F10: variants seen among roughly 807,000 people sequenced by gnomAD.
The protein encoded by F10 is Stuart-Prower factor.
A neutral mutation model predicts 37.1 loss-of-function variants in F10; 29 were observed. The ratio of observed to expected loss-of-function variants is 0.78; its 90% confidence interval spans 0.58 to 1.07. The LOEUF is 1.07. Among genes scored for constraint, F10 ranks in the 50% least tolerant of loss-of-function variants. F10 has a pLI of 0.00. For missense variants in F10, 539 were observed against 667.9 expected, an observed-to-expected ratio of 0.81 and a Z score of 2.13; for synonymous variants, 262 against 268.6, an observed-to-expected ratio of 0.98 and a Z score of 0.24.
intron 1 of F10, among the ~76,000 whole-genome samples, 177 bp downstream of exon 1, chr13:113,123,102 T>A (rs2036335407): frequency 6.6e-6 from 1 of 152,118 alleles, no homozygotes; most frequent in African/African-American, 2.4e-5. Context: ...CAAGGCCAGC[T>A]GTGGCTCCCT....
rs1378757283 is a variant in F10, at chr13:113,129,569, C to G, written c.188C>G (p.Ser63Ter). ...AGAGAGTGCATGGAAGAGACCTGCT[C>G]ATACGAAGAGGCCCGCGAGGTCTTT... ...LERECMEETCSYEEAREVFED... is the reference protein window; with the variant it reads ...LERECMEETC Residue 63 changes from serine to a stop codon, truncating the protein, a stop_gained, in exon 2 of 8, where the codon TCA (serine) becomes TGA (stop). Transcript: ENST00000375559. LOFTEE classifies it high-confidence loss of function. 6.2e-7 allele frequency: 1 copy of G among 1,614,116 alleles called. No homozygotes were observed. The highest frequency in any genetic ancestry group is 8.5e-7 in the Non-Finnish European group (1 of 1,180,048).
chr13:113,147,334 C>A, intron 6 of F10, 45 bp from the exon 7 acceptor site: 1 of 1,356,860 alleles, frequency 7.4e-7, no homozygotes, highest in Non-Finnish European at 1.1e-6. Flanking sequence ...CAGGCAACAC[C>A]TGTCCACCTG....
In F10 at chr13:113,143,710, C is replaced by CT; in HGVS notation, c.503-141_503-140insT. ...GACCCCTGCCGACGACGTGGGGCCTCGCCCTGCAAGCCCGCTGCCCCTCCG... is the reference window on the plus strand; with the variant it reads ...GACCCCTGCCGACGACGTGGGGCCTCTGCCCTGCAAGCCCGCTGCCCCTCCG... On this transcript the variant is annotated intron_variant, in intron 5 of 7. Transcript: ENST00000375559. This position sits in a 1 kb window ranked among gnomAD's most constrained non-coding sequence, Gnocchi z 6.8. The CT allele has an allele frequency of 2.5e-6, 3 of 1,220,202 alleles. No homozygotes were observed. The highest frequency in any genetic ancestry group is 2.4e-5 in the Admixed American group (1 of 41,324). 75.6% of individuals were successfully genotyped at this position (1,220,202 alleles called of 1,614,324 possible). A position where few individuals can be genotyped will look rare whatever the true frequency, so the allele number is the denominator to read the frequency against.
intron 5 of F10, among the ~76,000 whole-genome samples, chr13:113,142,710 G>A (rs2036543435): frequency 6.8e-6 from 1 of 147,536 alleles, no homozygotes. Context: ...TGGATCACCT[G>A]AGGTCAGGAG....
chr13:113,123,095 G>A (rs1481534021), intron 1 of F10, among the ~76,000 whole-genome samples, 170 bp downstream of exon 1: 1 of 152,214 alleles, frequency 6.6e-6, no homozygotes, highest in Non-Finnish European at 1.5e-5. Flanking sequence ...GCATCCTCAA[G>A]GCCAGCTGTG....
At chr13:113,125,732 C>T (rs575768373) in intron 1 of F10, among the ~76,000 whole-genome samples, 5 of 152,372 alleles carry the variant, frequency 3.3e-5, no homozygotes, top group East Asian at 1.9e-4. Flanking sequence ...AGGGCTGAGC[C>T]AGGCACGCCA....
At position 113,144,286 on chromosome 13, in the gene F10, C is replaced by A; in HGVS notation, c.747+191C>A. On this transcript the variant is annotated intron_variant, in intron 6 of 7. Coordinates refer to ENST00000375559, the MANE Select transcript of F10 (RefSeq NM_000504.4). The surrounding 1 kb of genome is among the most constrained non-coding windows in gnomAD (Gnocchi z 6.4). ...GGGCAGCCAAGGAGGCTGTGAGCTC[C>A]ACAGGGAAGTGGCCGGGGCTGAGGG... 1.2e-6 allele frequency: 1 copy of A among 828,098 alleles called. No individual in the cohort carries two copies. Among genetic ancestry groups the A allele is most frequent in the Non-Finnish European group, 1.9e-6 (1 of 527,568 alleles). 51.3% of individuals were successfully genotyped at this position (828,098 alleles called of 1,614,324 possible).
In F10 at chr13:113,122,840, A is replaced by G. The variant is rs1440275084; in HGVS notation, c.-16A>G. 1.2e-6 allele frequency: 2 copies of G among 1,608,996 alleles called. No homozygotes were observed. The highest frequency in any genetic ancestry group is 1.7e-6 in the Non-Finnish European group (2 of 1,179,990). ...CCTGTCCCAGTGAGGACAGGGACAC[A>G]GTACTCGGCCACACCATGGGGCGCC... On this transcript the variant is annotated 5_prime_UTR_variant, in exon 1 of 8. Transcript: ENST00000375559.
chr13:113,140,389 A>G, intron 4 of F10: 2 of 392,166 alleles, frequency 5.1e-6, no homozygotes, highest in Non-Finnish European at 1.0e-5. Flanking sequence ...CTAATTGATC[A>G]TCTTTAGACT....
At chr13:113,134,872 T>C (rs2036464367) in intron 2 of F10, among the ~76,000 whole-genome samples, 1 of 152,146 alleles carries the variant, frequency 6.6e-6, no homozygotes, top group Non-Finnish European at 1.5e-5. Context: ...AAAATTCCAA[T>C]GAAAGTATTT....
chr13:113,127,169 C>G (rs1265220586), intron 1 of F10, among the ~76,000 whole-genome samples: 3 of 152,174 alleles, frequency 2.0e-5, no homozygotes, highest in Non-Finnish European at 4.4e-5. Flanking sequence ...TAAAACAGCT[C>G]TAAGAGTAGA....
rs536046100 is a variant in F10, at chr13:113,141,201, C to G, written c.502+151C>G. The stretch of plus-strand genomic sequence containing the variant: ...GAGGACAGGACTGAGCCCTGGGCTC[C>G]GGGCCCAGGTGGTTCAAACATGAAG... On this transcript the variant is annotated intron_variant, in intron 5 of 7. Transcript: ENST00000375559. The surrounding 1 kb of genome is among the most constrained non-coding windows in gnomAD (Gnocchi z 5.4). 1 of 1,121,980 alleles carries G rather than the reference C, an allele frequency of 8.9e-7. No individual in the cohort carries two copies. The highest frequency in any genetic ancestry group is 1.5e-5 in the African/African-American group (1 of 64,708). 69.5% of individuals were successfully genotyped at this position (1,121,980 alleles called of 1,614,324 possible).
chr13:113,146,021 A>C lies in F10; in HGVS notation c.748-1358A>C, dbSNP rs2036579613. On this transcript the variant is annotated intron_variant, in intron 6 of 7. Transcript: ENST00000375559. This position sits in a 1 kb window ranked among gnomAD's most constrained non-coding sequence, Gnocchi z 4.5. ...AGAATGTCCTCTCCTACAAGCAAGA[A>C]TCTCAGAGCTGCCAGCGCCCCCATG... 6.6e-6 allele frequency among the ~76,000 whole-genome samples: 1 copy of C among 152,172 alleles called. No homozygotes were observed. Among genetic ancestry groups the C allele is most frequent in the Admixed American group, 6.5e-5 (1 of 15,274 alleles).
chr13:113,137,623 G>T (rs188909638), intron 2 of F10, among the ~76,000 whole-genome samples: 1 of 152,322 alleles, frequency 6.6e-6, no homozygotes, highest in East Asian at 1.9e-4. Flanking sequence ...AAATTAGGGT[G>T]TCAGCAGTGT....
rs1231173240 is a variant in F10 at position 113,146,053 on chromosome 13, C to G, written c.748-1326C>G. On this transcript the variant is annotated intron_variant, in intron 6 of 7. Coordinates refer to ENST00000375559, the MANE Select transcript of F10 (RefSeq NM_000504.4). The surrounding 1 kb of genome is among the most constrained non-coding windows in gnomAD (Gnocchi z 4.5). ...AGCTGCCAGCGCCCCCATGAATTCC[C>G]CCAGGTCTTCCCCCACCCCAGACCG... is the stretch of plus-strand genomic sequence containing the variant. Among the ~76,000 whole-genome samples, 1 of 152,166 alleles carries G rather than the reference C, an allele frequency of 6.6e-6. No individual in the cohort carries two copies. The highest frequency in any genetic ancestry group is 1.5e-5 in the Non-Finnish European group (1 of 68,036).
At chr13:113,129,180 G>A (rs991396889) in intron 1 of F10, among the ~76,000 whole-genome samples, 2 of 152,134 alleles carry the variant, frequency 1.3e-5, no homozygotes, top group East Asian at 1.9e-4. Flanking sequence ...AGCTGTGCCC[G>A]AATTCCAAAG....
Position 113,146,941 on chromosome 13 carries a change from C to T in F10, c.748-438C>T, listed in dbSNP as rs1225161892. On this transcript the variant is annotated intron_variant, in intron 6 of 7. Coordinates refer to ENST00000375559, the MANE Select transcript of F10 (RefSeq NM_000504.4). The surrounding 1 kb of genome is among the most constrained non-coding windows in gnomAD (Gnocchi z 4.5). Reference sequence around the variant, plus strand: ...GGAAGTCACCTGGGATGGAGGTGTCCGTGCACCATGGGGGACAGGCTCACA... The same window carrying T: ...GGAAGTCACCTGGGATGGAGGTGTCTGTGCACCATGGGGGACAGGCTCACA... Among the ~76,000 whole-genome samples the T allele has an allele frequency of 6.6e-6, 1 of 152,104 alleles. No homozygotes were observed.
At chr13:113,129,383 G>A (rs2036403172) in intron 1 of F10, 69 bp from the exon 2 acceptor site, 1 of 1,596,894 alleles carries the variant, frequency 6.3e-7, no homozygotes, top group Admixed American at 1.7e-5. Context: ...GGCAGTCAGG[G>A]AGCATAGGTG....
Position 113,142,277 on chromosome 13 carries a change from C to T in F10, c.502+1227C>T, listed in dbSNP as rs560381519. Among the ~76,000 whole-genome samples, 257 of 152,250 alleles carry T rather than the reference C, an allele frequency of 1.7e-3. 1 individual carries two copies. The highest frequency in any genetic ancestry group is 5.6e-3 in the African/African-American group (231 of 41,514). On this transcript the variant is annotated intron_variant, in intron 5 of 7. Coordinates refer to ENST00000375559, the MANE Select transcript of F10 (RefSeq NM_000504.4). Reference sequence around the variant, plus strand: ...CAAGTGTGGGCCGGGTGCAGTAGCTCATGCCTGTAATCCCAGCATTTTGGG... The same window carrying T: ...CAAGTGTGGGCCGGGTGCAGTAGCTTATGCCTGTAATCCCAGCATTTTGGG...
Sources: gnomAD v4.1 joint callset for allele counts (sites outside exome capture counted in the v4.1 genomes callset) on GRCh38, gnomAD v4.1.1 for gene constraint, Gnocchi (gnomAD v3.1) non-coding constraint, MANE v1.5 for transcripts, NCBI Gene and HGNC (gene_info 2026-07-23, HGNC 2026-07-21) for gene names.